Variants in CD36 observed in about 807,000 individuals in gnomAD.
CD36 encodes platelet glycoprotein 4.
Under a neutral mutation model 55.2 loss-of-function variants are expected in CD36, and 119 were observed. The ratio of observed to expected loss-of-function variants is 2.15; its 90% confidence interval spans 1.86 to 2.51. The LOEUF (loss-of-function observed/expected upper bound fraction) is 2.51. Among genes scored for constraint, CD36 ranks in the 30% most tolerant of loss-of-function variants. CD36 has a pLI of 0.00. For synonymous variants in CD36, 186 were observed against 193.6 expected (o/e 0.96, Z 0.33); for missense variants, 819 against 555.5 (o/e 1.47, Z -4.77).
At chr7:80,611,246 C>T (rs10429164) in intron 1 of CD36, among the ~76,000 whole-genome samples, 1 of 152,072 alleles carries the variant, frequency 6.6e-6, no homozygotes, top group African/African-American at 2.4e-5. Context: ...CTCTGCCCCC[C>T]TGTTGTGACC....
chr7:80,664,360 A>T, intron 6 of CD36, 46 bp from the exon 7 acceptor site: 1 of 1,039,460 alleles, frequency 9.6e-7, no homozygotes, highest in Middle Eastern at 2.3e-4. Context: ...TACAACTTTG[A>T]AAAAATGACT....
Position 80,674,025 on chromosome 7 carries a change from CAAGT to C in CD36, c.1300_1303del (p.Val434LeufsTer4). On this transcript the variant is annotated frameshift_variant, in exon 14 of 15. Coordinates refer to ENST00000447544, the MANE Select transcript of CD36 (RefSeq NM_001001548.3). LOFTEE classifies it high-confidence loss of function. ...TGAGAAGGCAAACATGTTCAGAAGT[CAAGT>C]AACTGGAAAAATAAACCTCCTTGGC... 6.2e-7 allele frequency: 1 copy of C among 1,612,116 alleles called. No individual in the cohort carries two copies.
rs1240755895 is a variant in CD36, at chr7:80,677,043, T to A, written c.*660T>A. 1 of 152,210 alleles carries A rather than the reference T, an allele frequency of 6.6e-6. No homozygotes were observed. Among genetic ancestry groups the A allele is most frequent in the South Asian group, 2.1e-4 (1 of 4,836 alleles). 9.4% of individuals were successfully genotyped at this position (152,210 alleles called of 1,614,324 possible). On this transcript the variant is annotated 3_prime_UTR_variant, in exon 15 of 15. Coordinates refer to ENST00000447544, the MANE Select transcript of CD36 (RefSeq NM_001001548.3). The stretch of plus-strand genomic sequence containing the variant: ...GCTTTTTCTAGTTCCTCTTGTGTCA[T>A]AAAATGTTTATCCTAATTTTCTCTC...
At chr7:80,609,099 A>C (rs1472176460) in intron 1 of CD36, among the ~76,000 whole-genome samples, 2 of 152,132 alleles carry the variant, frequency 1.3e-5, no homozygotes, top group African/African-American at 4.8e-5. Context: ...TGTTGCTTTC[A>C]AGATAAACCC....
At chr7:80,657,786 A>G (rs1796207596) in intron 4 of CD36, among the ~76,000 whole-genome samples, 1 of 152,340 alleles carries the variant, frequency 6.6e-6, no homozygotes, top group Non-Finnish European at 1.5e-5. Flanking sequence ...TTTGTTACCT[A>G]AATGTGTATT....
chr7:80,616,809 G>C (rs1793188358), intron 1 of CD36, among the ~76,000 whole-genome samples: 1 of 152,052 alleles, frequency 6.6e-6, no homozygotes, highest in Non-Finnish European at 1.5e-5. Flanking sequence ...AGTGCAAAGT[G>C]GCTACGGCGA....
rs555149755 is a variant in CD36, at chr7:80,664,540, T to C, written c.701+43T>C. On this transcript the variant is annotated intron_variant, in intron 7 of 14. Transcript: ENST00000447544. ...ATGTGCATGTATGTTACTAGGGTAC[T>C]CTTAAGCAGGAATAGTATTCATTTA... The C allele has an allele frequency of 4.9e-6, 5 of 1,019,260 alleles. No homozygotes were observed. In the South Asian group the frequency reaches 5.1e-5, roughly 10 times the overall value. The allele number at this position is 1,019,260 out of a possible 1,614,324, so 63.1% of individuals were successfully genotyped here. A position where few individuals can be genotyped will look rare whatever the true frequency, so the allele number is the denominator to read the frequency against.
intron 7 of CD36, 163 bp from the exon 8 acceptor site, chr7:80,666,280 G>A (rs1584440571): frequency 3.2e-6 from 2 of 626,100 alleles, no homozygotes; most frequent in Non-Finnish European, 5.7e-6. Flanking sequence ...AAGATAAAAG[G>A]TTCAAACAAA....
chr7:80,631,735 T>C (rs147844944), intron 1 of CD36, among the ~76,000 whole-genome samples: 2 of 151,700 alleles, frequency 1.3e-5, no homozygotes, highest in Admixed American at 6.6e-5. Context: ...AATATACTCA[T>C]GTAAACATGA....
rs564352360 is a variant in CD36, at chr7:80,670,768, A to G, written c.819-209A>G. On this transcript the variant is annotated intron_variant, in intron 9 of 14. Transcript: ENST00000447544. ...TGAGAAGTAACTTGAGTATAAATAA[A>G]CATGGTACTTCACAAACAAGAATAG... The G allele has an allele frequency of 1.7e-4, 95 of 559,178 alleles. 1 individual carries two copies. Among genetic ancestry groups the G allele is most frequent in the Middle Eastern group, 1.4e-3 (3 of 2,074 alleles). The allele number at this position is 559,178 out of a possible 1,614,324, so 34.6% of individuals were successfully genotyped here.
Position 80,612,034 on chromosome 7 carries a change from G to A in CD36, c.-184+9655G>A, listed in dbSNP as rs146038800. ...ACCAAGGCCAAGCAGTGAGTGCTGG[G>A]CCTGTGCCCAGAAACAGCAAGACCT... On this transcript the variant is annotated intron_variant, in intron 1 of 13. Transcript: ENST00000309881. Among the ~76,000 whole-genome samples the A allele has an allele frequency of 6.0e-3, 921 of 152,310 alleles. 7 individuals are homozygous for A. The highest frequency in any genetic ancestry group is 0.021 in the African/African-American group (857 of 41,560).
At chr7:80,605,713 T>C (rs999198420) in intron 1 of CD36, among the ~76,000 whole-genome samples, 1 of 152,224 alleles carries the variant, frequency 6.6e-6, no homozygotes, top group African/African-American at 2.4e-5. Flanking sequence ...AAATTATTTC[T>C]TCTTGAACTA....
At chr7:80,668,842 A>G (rs1797375447) in intron 8 of CD36, among the ~76,000 whole-genome samples, 1 of 152,204 alleles carries the variant, frequency 6.6e-6, no homozygotes, top group Non-Finnish European at 1.5e-5. Flanking sequence ...TTACCATTTA[A>G]AACTCATTCA....
intron 1 of CD36, among the ~76,000 whole-genome samples, chr7:80,616,825 A>G (rs73709003): frequency 0.017 from 2,642 of 152,250 alleles, 94 homozygotes; most frequent in African/African-American, 0.061. Flanking sequence ...GGCGATTGTA[A>G]GGATCATGTC....
rs1429761498 is a variant in CD36, at chr7:80,674,074, T to TCAGTGTTG, written c.1347_1354dup (p.Gly452AlafsTer6). 1.2e-6 allele frequency: 2 copies of TCAGTGTTG among 1,611,992 alleles called. No homozygotes were observed. Among genetic ancestry groups the TCAGTGTTG allele is most frequent in the African/African-American group, 2.7e-5 (2 of 74,844 alleles). ...CTTGGCCTGATAGAAATGATCTTAC[T>TCAGTGTTG]CAGTGTTGGTGTGGTGATGTTTGTT... On this transcript the variant is annotated frameshift_variant, in exon 14 of 15. Transcript: ENST00000447544. LOFTEE classifies it high-confidence loss of function.
At chr7:80,661,237 T>C in intron 5 of CD36, 27 bp downstream of exon 5, 1 of 1,596,188 alleles carries the variant, frequency 6.3e-7, no homozygotes, top group Non-Finnish European at 8.6e-7. Flanking sequence ...CAAAGTTATC[T>C]ATTTTAAAAT....
chr7:80,674,004 A>T lies in CD36; in HGVS notation c.1276A>T (p.Lys426Ter). 1 of 1,612,326 alleles carries T rather than the reference A, an allele frequency of 6.2e-7. No individual in the cohort carries two copies. The highest frequency in any genetic ancestry group is 8.5e-7 in the Non-Finnish European group (1 of 1,178,816). Reference protein sequence around the residue: ...LNETGTIGDEKANMFRSQVTG... With the variant: ...LNETGTIGDE ...ACAGACTGGGACCATTGGTGATGAG[A>T]AGGCAAACATGTTCAGAAGTCAAGT... is the stretch of plus-strand genomic sequence containing the variant. The change falls in exon 14 of 15, where the codon AAG becomes TAG. Residue 426 changes from lysine to a stop codon, truncating the protein, a stop_gained. Transcript: ENST00000447544. LOFTEE classifies it high-confidence loss of function.
chr7:80,606,631 G>A (rs1792564617), intron 1 of CD36, among the ~76,000 whole-genome samples: 1 of 152,120 alleles, frequency 6.6e-6, no homozygotes, highest in Non-Finnish European at 1.5e-5. Context: ...CTGAGTTTTG[G>A]ATGAAGCCAG....
intron 1 of CD36, among the ~76,000 whole-genome samples, chr7:80,629,379 C>G (rs1360497727): frequency 6.6e-6 from 1 of 152,024 alleles, no homozygotes; most frequent in Non-Finnish European, 1.5e-5. Flanking sequence ...CAAAGGAGCA[C>G]ATTTTCATGA....
Sources: allele counts gnomAD v4.1 joint callset (sites outside exome capture counted in the v4.1 genomes callset), GRCh38; gene constraint gnomAD v4.1.1; transcripts MANE v1.5; gene names NCBI Gene and HGNC (gene_info 2026-07-23, HGNC 2026-07-21).